DLG2: variants seen among roughly 807,000 people sequenced by gnomAD.
DLG2 encodes the protein disks large homolog 2.
In DLG2, 45 loss-of-function variants were observed where a neutral mutation model predicts 132.5. The observed-to-expected ratio is 0.34, with a 90% CI of 0.27 to 0.44. DLG2 has a LOEUF of 0.44. Among genes scored for constraint, DLG2 ranks in the 20% least tolerant of loss-of-function variants. DLG2 has a pLI of 1.00. For missense variants in DLG2, 1,045 were observed against 1,196.9 expected, an observed-to-expected ratio of 0.87 and a Z score of 1.87; for synonymous variants, 424 against 419.6, an observed-to-expected ratio of 1.01 and a Z score of -0.13.
chr11:85,392,851 A>T lies in DLG2; in HGVS notation c.41-107486T>A, dbSNP rs189568668. Reference sequence around the variant, plus strand: ...CAAGATGGATCAAAGACTGAAATATAAGAGCTGAAACCACAAAAATTCTAG... The same window carrying T: ...CAAGATGGATCAAAGACTGAAATATTAGAGCTGAAACCACAAAAATTCTAG... On this transcript the variant is annotated intron_variant, in intron 3 of 27. Transcript: ENST00000376104. 5.9e-5 allele frequency among the ~76,000 whole-genome samples: 9 copies of T among 152,272 alleles called. No individual in the cohort carries two copies. The South Asian group carries it at 8.3e-4, about 14-fold the overall frequency.
chr11:84,121,780 C>T (rs1380590797), intron 9 of DLG2, among the ~76,000 whole-genome samples: 3 of 151,658 alleles, frequency 2.0e-5, no homozygotes, highest in Non-Finnish European at 4.4e-5. Flanking sequence ...CCAGGATGGT[C>T]TCTATCTCCT....
intron 3 of DLG2, among the ~76,000 whole-genome samples, chr11:85,524,255 T>C (rs2074562074): frequency 6.6e-6 from 1 of 152,140 alleles, no homozygotes; most frequent in Non-Finnish European, 1.5e-5. Context: ...ACTGGATTAT[T>C]TGTCACACAA....
At chr11:83,776,522 G>A (rs1383023876) in intron 18 of DLG2, among the ~76,000 whole-genome samples, 1 of 152,116 alleles carries the variant, frequency 6.6e-6, no homozygotes, top group Non-Finnish European at 1.5e-5. Flanking sequence ...TTTCTATTCA[G>A]CAGCCAGAGC....
At chr11:84,860,720 C>G (rs1359492248) in intron 6 of DLG2, among the ~76,000 whole-genome samples, 1 of 152,024 alleles carries the variant, frequency 6.6e-6, no homozygotes, top group Non-Finnish European at 1.5e-5. Context: ...TTTACTGGCA[C>G]TTGGCAAGTA....
chr11:85,011,395 A>G (rs1223757624), intron 6 of DLG2, among the ~76,000 whole-genome samples: 1 of 152,208 alleles, frequency 6.6e-6, no homozygotes, highest in East Asian at 1.9e-4. Flanking sequence ...TAATCTATCT[A>G]AGTCATTGGC....
intron 3 of DLG2, among the ~76,000 whole-genome samples, chr11:85,545,268 C>G (rs1323807151): frequency 6.6e-6 from 1 of 152,124 alleles, no homozygotes; most frequent in Non-Finnish European, 1.5e-5. Flanking sequence ...GTCATTGGTT[C>G]TGTTTATGTG....
intron 10 of DLG2, among the ~76,000 whole-genome samples, chr11:84,079,284 T>TG (rs1291227833): frequency 1.3e-5 from 2 of 151,646 alleles, no homozygotes; most frequent in African/African-American, 2.4e-5. Flanking sequence ...GTTTGTTTTT[T>TG]TTTTTGTTTT....
intron 7 of DLG2, among the ~76,000 whole-genome samples, chr11:84,509,392 G>T (rs1419736859): frequency 6.6e-6 from 1 of 152,142 alleles, no homozygotes; most frequent in Non-Finnish European, 1.5e-5. Flanking sequence ...TTTAGTATGA[G>T]ATCTCTTATA....
chr11:84,162,335 T>C (rs964634713), intron 9 of DLG2, among the ~76,000 whole-genome samples: 2 of 151,938 alleles, frequency 1.3e-5, no homozygotes. Context: ...TTATATTATA[T>C]AGCTTTGTGT....
intron 8 of DLG2, among the ~76,000 whole-genome samples, chr11:84,238,042 T>TA (rs71036414): frequency 0.013 from 918 of 73,064 alleles, 16 homozygotes; most frequent in African/African-American, 0.033. Flanking sequence ...AGACTCTGCC[T>TA]AAAAAAAAAA....
intron 5 of DLG2, among the ~76,000 whole-genome samples, chr11:85,150,699 AGTGTGTGTGTGTGTGTGT>A (rs71036459): frequency 6.0e-4 from 76 of 127,348 alleles, no homozygotes; most frequent in African/African-American, 1.4e-3. Context: ...AAGGCTACAT[AGTGTGTGTGTGTGTGTGT>A]GTGTGTGTGT....
intron 7 of DLG2, among the ~76,000 whole-genome samples, chr11:84,399,996 T>C (rs1260947820): frequency 6.6e-6 from 1 of 152,232 alleles, no homozygotes; most frequent in Non-Finnish European, 1.5e-5. Context: ...TTTCTTCAAC[T>C]ATGGTAGATC....
intron 6 of DLG2, among the ~76,000 whole-genome samples, chr11:84,792,165 G>A (rs183483733): frequency 6.6e-6 from 1 of 152,036 alleles, no homozygotes; most frequent in Non-Finnish European, 1.5e-5. Flanking sequence ...TTTATCAAAT[G>A]CTTTTTAGCA....
intron 6 of DLG2, among the ~76,000 whole-genome samples, chr11:84,978,239 G>A (rs964528381): frequency 3.3e-5 from 5 of 152,208 alleles, no homozygotes; most frequent in South Asian, 2.1e-4. Flanking sequence ...TGAAGGAGAC[G>A]TTTAAAAACT....
chr11:84,255,282 T>G (rs759858215), intron 7 of DLG2, among the ~76,000 whole-genome samples: 8 of 152,186 alleles, frequency 5.3e-5, no homozygotes, highest in Non-Finnish European at 8.8e-5. Context: ...CCACCAAGTA[T>G]TTTCTCCACA....
At chr11:84,999,333 A>T (rs2057994984) in intron 6 of DLG2, among the ~76,000 whole-genome samples, 2 of 152,172 alleles carry the variant, frequency 1.3e-5, no homozygotes, top group Admixed American at 1.3e-4. Context: ...TCATCTAAAA[A>T]ATCAAGATGG....
intron 6 of DLG2, among the ~76,000 whole-genome samples, chr11:84,785,135 T>A (rs1259646779): frequency 6.6e-6 from 1 of 152,042 alleles, no homozygotes; most frequent in Non-Finnish European, 1.5e-5. Flanking sequence ...CAGATCAGGC[T>A]GCAAAACAAG....
rs143368936 is a variant in DLG2, at chr11:85,109,710, G to A, written c.357+1951C>T. Among the ~76,000 whole-genome samples the A allele has an allele frequency of 5.3e-3, 800 of 152,120 alleles. 7 individuals are homozygous for A. Among genetic ancestry groups the A allele is most frequent in the African/African-American group, 0.018 (736 of 41,512 alleles). ...TACATGATTGTGTTTGATTTACATA[G>A]GATTACTGCCTTATTCATGTTTATA... On this transcript the variant is annotated intron_variant, in intron 6 of 27. Coordinates refer to ENST00000376104, the MANE Select transcript of DLG2 (RefSeq NM_001142699.3).
intron 6 of DLG2, among the ~76,000 whole-genome samples, chr11:84,883,357 T>A (rs553992334): frequency 5.3e-5 from 8 of 152,016 alleles, no homozygotes; most frequent in African/African-American, 1.9e-4. Flanking sequence ...ATACCTAATG[T>A]ATGCGGGGCT....
Sources: allele counts gnomAD v4.1 joint callset (sites outside exome capture counted in the v4.1 genomes callset), GRCh38; gene constraint gnomAD v4.1.1; transcripts MANE v1.5; gene names NCBI Gene and HGNC (gene_info 2026-07-23, HGNC 2026-07-21).